POU2AF1: variants seen among roughly 807,000 people sequenced by gnomAD.
POU2AF1 encodes the protein POU domain class 2-associating factor 1.
POU2AF1 carries 12 observed loss-of-function variants against 26.3 expected under a neutral mutation model. The observed-to-expected ratio is 0.46, with a 90% CI of 0.29 to 0.74. The LOEUF (loss-of-function observed/expected upper bound fraction) is 0.74. Among genes scored for constraint, POU2AF1 ranks in the 30% least tolerant of loss-of-function variants. The pLI is 0.09. For synonymous variants in POU2AF1, 175 were observed against 148.0 expected (o/e 1.18, Z -1.32); for missense variants, 297 against 334.5 (o/e 0.89, Z 0.87).
intron 1 of POU2AF1, among the ~76,000 whole-genome samples, chr11:111,372,061 C>CAGAGAGAGAG (rs1324127111): frequency 4.2e-5 from 6 of 144,076 alleles, no homozygotes; most frequent in African/African-American, 1.6e-4. Context: ...CACACACACA[C>CAGAGAGAGAG]ACACACACAG....
intron 2 of POU2AF1, 59 bp from the exon 3 acceptor site, chr11:111,357,896 C>G: frequency 6.6e-7 from 1 of 1,504,182 alleles, no homozygotes; most frequent in Non-Finnish European, 8.9e-7. Context: ...CGGCCCTGTG[C>G]AGAGAACTTG....
intron 1 of POU2AF1, among the ~76,000 whole-genome samples, chr11:111,378,735 T>G (rs1042007689): frequency 6.6e-6 from 1 of 152,158 alleles, no homozygotes; most frequent in African/African-American, 2.4e-5. Context: ...CCCAGGGAAT[T>G]CAACAGAAGG....
intron 2 of POU2AF1, among the ~76,000 whole-genome samples, chr11:111,358,412 A>T (rs573940878): frequency 9.4e-6 from 1 of 106,226 alleles, no homozygotes; most frequent in African/African-American, 3.6e-5. Context: ...ATACTCTCTC[A>T]CACACACGCT....
At chr11:111,359,198 A>G in intron 1 of POU2AF1, 1 of 503,620 alleles carries the variant, frequency 2.0e-6, no homozygotes, top group Non-Finnish European at 3.6e-6. Flanking sequence ...CACTTTGCAC[A>G]CTCCCTACTA....
intron 1 of POU2AF1, among the ~76,000 whole-genome samples, chr11:111,367,550 T>G (rs975938570): frequency 6.6e-6 from 1 of 152,206 alleles, no homozygotes; most frequent in Non-Finnish European, 1.5e-5. Flanking sequence ...TACACTCCAC[T>G]TCTGCCTCAC....
At chr11:111,372,055 C>CAGAGAGAGAGAGAGAGAGAGAG (rs1469970188) in intron 1 of POU2AF1, among the ~76,000 whole-genome samples, 34 of 137,614 alleles carry the variant, frequency 2.5e-4, no homozygotes, top group African/African-American at 9.4e-4. Context: ...CACACACACA[C>CAGAGAGAGAGAGAGAGAGAGAG]ACACACACAC....
chr11:111,377,437 G>T (rs1861330255), intron 1 of POU2AF1, among the ~76,000 whole-genome samples: 1 of 152,162 alleles, frequency 6.6e-6, no homozygotes, highest in Admixed American at 6.5e-5. Context: ...AATTAGAAAT[G>T]AAAAAATGTA....
In POU2AF1 at chr11:111,352,993, AGAAGGAAGGAAG is replaced by A. The variant is rs1193388265; in HGVS notation, c.*1256_*1267del. The A allele has an allele frequency of 0.011, 818 of 72,728 alleles. 4 individuals carry two copies. The highest frequency in any genetic ancestry group is 0.042 in the East Asian group (236 of 5,672). 4.5% of individuals were successfully genotyped at this position (72,728 alleles called of 1,614,324 possible). On this transcript the variant is annotated 3_prime_UTR_variant, in exon 5 of 5. Transcript: ENST00000393067. ...AGGAAGGAAGGAAGGAAGGAAGGAAAGAAGGAAGGAAGGAAGGAAGGAAGGAAGGAAGGAAGG... is the reference window on the plus strand; with the variant it reads ...AGGAAGGAAGGAAGGAAGGAAGGAAAGAAGGAAGGAAGGAAGGAAGGAAGG...
chr11:111,378,140 G>A (rs1307934256), intron 1 of POU2AF1, among the ~76,000 whole-genome samples: 3 of 152,068 alleles, frequency 2.0e-5, no homozygotes, highest in South Asian at 2.1e-4. Flanking sequence ...TATATTTTCC[G>A]AACTTTAGTG....
chr11:111,363,099 C>A, intron 1 of POU2AF1: 1 of 999,794 alleles, frequency 1.0e-6, no homozygotes, highest in South Asian at 4.7e-5. Flanking sequence ...CCTCTAATGT[C>A]TGGACTTCCT....
At chr11:111,358,676 A>G in intron 2 of POU2AF1, 112 bp downstream of exon 2, 3 of 1,284,570 alleles carry the variant, frequency 2.3e-6, no homozygotes, top group Non-Finnish European at 3.2e-6. Flanking sequence ...ACACAAACAC[A>G]TACACACACG....
At chr11:111,375,904 A>G (rs1861302204) in intron 1 of POU2AF1, among the ~76,000 whole-genome samples, 1 of 152,168 alleles carries the variant, frequency 6.6e-6, no homozygotes, top group African/African-American at 2.4e-5. Flanking sequence ...TTCCAATAAA[A>G]CTTTATTTAC....
intron 1 of POU2AF1, among the ~76,000 whole-genome samples, chr11:111,376,564 G>GC (rs1175202819): frequency 1.3e-5 from 2 of 152,194 alleles, no homozygotes; most frequent in Non-Finnish European, 2.9e-5. Context: ...TTAACCAAAA[G>GC]CCAGGGTTCA....
At chr11:111,359,912 T>A (rs1860972213) in intron 1 of POU2AF1, 1 of 518,630 alleles carries the variant, frequency 1.9e-6, no homozygotes, top group Non-Finnish European at 3.8e-6. Flanking sequence ...ACCTTTAGGA[T>A]TGAGGCAAGT....
chr11:111,358,378 TCTCA>T lies in POU2AF1; in HGVS notation c.147+406_147+409del, dbSNP rs1232502917. On this transcript the variant is annotated intron_variant, in intron 2 of 4. Transcript: ENST00000393067. ...CACACTCTCACACACTCACACACTC[TCTCA>T]CACACACTCCCTCACACACATACTC... 4.0e-3 allele frequency among the ~76,000 whole-genome samples: 366 copies of T among 92,386 alleles called. 5 individuals carry two copies. The highest frequency in any genetic ancestry group is 0.013 in the African/African-American group (312 of 23,286). 60.6% of individuals were successfully genotyped at this position (92,386 alleles called of 152,430 possible). A position where few individuals can be genotyped will look rare whatever the true frequency, so the allele number is the denominator to read the frequency against.
At chr11:111,367,979 C>A (rs905500202) in intron 1 of POU2AF1, among the ~76,000 whole-genome samples, 25 of 152,172 alleles carry the variant, frequency 1.6e-4, no homozygotes, top group Non-Finnish European at 2.1e-4. Context: ...GGGTAGGGGA[C>A]AAGACCAAGA....
intron 1 of POU2AF1, among the ~76,000 whole-genome samples, chr11:111,366,750 G>A (rs1861112797): frequency 6.6e-6 from 1 of 152,122 alleles, no homozygotes; most frequent in East Asian, 1.9e-4. Flanking sequence ...AGACCCAGGG[G>A]ACACTCTTAA....
rs60511505 is a variant in POU2AF1 at position 111,377,217 on chromosome 11, CAAA to C, written c.16+1942_16+1944del. Among the ~76,000 whole-genome samples the C allele has an allele frequency of 3.7e-4, 52 of 140,362 alleles. 1 individual carries two copies. The highest frequency in any genetic ancestry group is 7.2e-4 in the South Asian group (3 of 4,154). The allele number at this position is 140,362 out of a possible 152,430, so 92.1% of individuals were successfully genotyped here. Reference sequence around the variant, plus strand: ...TAAAACACCATCTCTACTAAAAATACAAAAAAAAAAAAAACAGCTGGGTGTGGT... The same window carrying C: ...TAAAACACCATCTCTACTAAAAATACAAAAAAAAAAACAGCTGGGTGTGGT... On this transcript the variant is annotated intron_variant, in intron 1 of 4. Transcript: ENST00000393067.
chr11:111,375,787 C>A (rs1368104953), intron 1 of POU2AF1, among the ~76,000 whole-genome samples: 2 of 152,170 alleles, frequency 1.3e-5, no homozygotes, highest in African/African-American at 4.8e-5. Context: ...CTATTATAAG[C>A]CAGAGAGAAA....
Sources: gnomAD v4.1 joint callset for allele counts (sites outside exome capture counted in the v4.1 genomes callset) on GRCh38, gnomAD v4.1.1 for gene constraint, MANE v1.5 for transcripts, NCBI Gene and HGNC (gene_info 2026-07-23, HGNC 2026-07-21) for gene names.